The following HMBOX1 variants were observed in gnomAD, a reference collection of about 807,000 sequenced individuals.
The protein encoded by HMBOX1 is homeobox containing 1.
A neutral mutation model predicts 54.5 loss-of-function variants in HMBOX1; 14 were observed. The observed-to-expected ratio is 0.26, with a 90% confidence interval of 0.17 to 0.40. HMBOX1 has a LOEUF of 0.40. Ranked by LOEUF, HMBOX1 falls within the 10% of genes least tolerant of loss-of-function variation. The pLI is 1.00. For missense variants in HMBOX1, 332 were observed against 514.4 expected (o/e 0.65, Z 3.43); for synonymous variants, 160 against 181.0 (o/e 0.88, Z 0.93).
At chr8:29,002,516 CCA>C (rs1832808045) in intron 4 of HMBOX1, among the ~76,000 whole-genome samples, 1 of 152,078 alleles carries the variant, frequency 6.6e-6, no homozygotes, top group African/African-American at 2.4e-5. Context: ...AGGTTAGCTA[CCA>C]CAGTCTGCTA....
chr8:28,970,007 C>A lies in HMBOX1; in HGVS notation c.24-36C>A. ...TAATATGTGCTTTGGTAGATACTGT[C>A]AATAAAGAGACTTCTTTTTATCTCT... On this transcript the variant is annotated intron_variant, in intron 2 of 9. Coordinates refer to ENST00000287701, the MANE Select transcript of HMBOX1 (RefSeq NM_001135726.3). The surrounding 1 kb of genome is among the most constrained non-coding windows in gnomAD (Gnocchi z 4.3). 1.6e-6 allele frequency: 2 copies of A among 1,289,022 alleles called. No individual in the cohort carries two copies. The highest frequency in any genetic ancestry group is 1.3e-5 in the South Asian group (1 of 77,406). The allele number at this position is 1,289,022 out of a possible 1,614,324, so 79.8% of individuals were successfully genotyped here. A position where few individuals can be genotyped will look rare whatever the true frequency, so the allele number is the denominator to read the frequency against.
At chr8:29,031,284 A>G (rs1448748760) in intron 6 of HMBOX1, among the ~76,000 whole-genome samples, 7 of 152,238 alleles carry the variant, frequency 4.6e-5, no homozygotes, top group Non-Finnish European at 1.0e-4. Context: ...CTTTACATTC[A>G]ACTCTGATAG....
chr8:29,051,891 A>C lies in HMBOX1; in HGVS notation c.*736A>C. The C allele has an allele frequency of 4.6e-6, 1 of 219,292 alleles. No individual in the cohort carries two copies. The highest frequency in any genetic ancestry group is 8.2e-6 in the Non-Finnish European group (1 of 122,664). 13.6% of individuals were successfully genotyped at this position (219,292 alleles called of 1,614,324 possible). A position where few individuals can be genotyped will look rare whatever the true frequency, so the allele number is the denominator to read the frequency against. On this transcript the variant is annotated 3_prime_UTR_variant, in exon 10 of 10. Transcript: ENST00000287701. ...GATTAAAAACAAAGACAAAAACCAA[A>C]AGTCATTAAAAAAAAAAAAAAAAAA... is the stretch of plus-strand genomic sequence containing the variant.
chr8:28,941,610 T>G (rs1435770748), intron 1 of HMBOX1, among the ~76,000 whole-genome samples: 1 of 152,216 alleles, frequency 6.6e-6, no homozygotes, highest in East Asian at 1.9e-4. Context: ...AAGTAGGTAC[T>G]GCATAACTAA....
chr8:28,953,000 A>T (rs1023117976), intron 1 of HMBOX1, among the ~76,000 whole-genome samples: 5 of 152,236 alleles, frequency 3.3e-5, no homozygotes, highest in Non-Finnish European at 5.9e-5. Flanking sequence ...AGACAAGGGA[A>T]GTCCGTTAGC....
chr8:29,043,185 C>T (rs778838438), intron 6 of HMBOX1, among the ~76,000 whole-genome samples: 29 of 152,216 alleles, frequency 1.9e-4, no homozygotes, highest in Non-Finnish European at 1.0e-4. Context: ...TTGCTTTGTA[C>T]AAGCCCCATG....
chr8:28,981,382 T>C (rs562952909), intron 4 of HMBOX1, among the ~76,000 whole-genome samples: 2 of 152,358 alleles, frequency 1.3e-5, no homozygotes, highest in African/African-American at 4.8e-5. Flanking sequence ...CTGTAGGATA[T>C]TTAAAATATG....
chr8:29,010,547 C>G (rs999907522), intron 5 of HMBOX1, among the ~76,000 whole-genome samples: 1 of 151,188 alleles, frequency 6.6e-6, no homozygotes, highest in Non-Finnish European at 1.5e-5. Context: ...CAAAGGGAGA[C>G]CTGTCTCAAA....
In HMBOX1 at chr8:28,963,887, T is replaced by G; in HGVS notation, c.20T>G (p.Val7Gly). The G allele has an allele frequency of 6.2e-7, 1 of 1,602,118 alleles. No individual in the cohort carries two copies. The highest frequency in any genetic ancestry group is 8.5e-7 in the Non-Finnish European group (1 of 1,172,776). ...TAAAGTATGCTTAGTTCCTTTCCAG[T>G]GGTGTAAGTATCAAGTCCTTTTTGA... is the stretch of plus-strand genomic sequence containing the variant. The part of the protein sequence containing the change: MLSSFP[V>G]VLLETMSHYT... The change falls in exon 2 of 10, where the codon GTG (valine) becomes GGG (glycine). Residue 7 changes from valine to glycine, a missense_variant. Val to Gly is a moderately radical substitution (Grantham distance 109, BLOSUM62 -3). Transcript: ENST00000287701.
intron 1 of HMBOX1, among the ~76,000 whole-genome samples, chr8:28,918,664 C>T (rs557390887): frequency 2.6e-4 from 39 of 152,268 alleles, no homozygotes; most frequent in African/African-American, 8.4e-4. Flanking sequence ...AATCATAACT[C>T]GTGAAATGTT....
chr8:29,017,066 C>T (rs1835134015), intron 5 of HMBOX1, among the ~76,000 whole-genome samples: 1 of 152,204 alleles, frequency 6.6e-6, no homozygotes, highest in Non-Finnish European at 1.5e-5. Context: ...TTCTGCACTT[C>T]TCCATGTGGC....
At position 29,003,496 on chromosome 8, in the gene HMBOX1, G is replaced by GTA. The variant is rs10572983; in HGVS notation, c.587-5556_587-5555dup. Among the ~76,000 whole-genome samples the GTA allele has an allele frequency of 2.8e-3, 352 of 127,242 alleles. 3 individuals are homozygous for GTA. Among genetic ancestry groups the GTA allele is most frequent in the Non-Finnish European group, 4.1e-3 (258 of 62,366 alleles). 83.5% of individuals were successfully genotyped at this position (127,242 alleles called of 152,430 possible). On this transcript the variant is annotated intron_variant, in intron 4 of 9. Coordinates refer to ENST00000287701, the MANE Select transcript of HMBOX1 (RefSeq NM_001135726.3). ...TTAAAACAACTGGTTGTGTGTGTGT[G>GTA]TATATATATATATATATATATGCAT...
chr8:28,926,139 A>G (rs1409868290), intron 1 of HMBOX1, among the ~76,000 whole-genome samples: 2 of 152,150 alleles, frequency 1.3e-5, no homozygotes, highest in Non-Finnish European at 2.9e-5. Context: ...TCTATACCAA[A>G]AAAAATGCAA....
At chr8:28,980,900 G>A (rs914503646) in intron 4 of HMBOX1, among the ~76,000 whole-genome samples, 1 of 152,022 alleles carries the variant, frequency 6.6e-6, no homozygotes, top group African/African-American at 2.4e-5. Context: ...CAACATTGTT[G>A]TACTTTGCAT....
At chr8:29,013,370 G>A (rs540803526) in intron 5 of HMBOX1, among the ~76,000 whole-genome samples, 1 of 152,242 alleles carries the variant, frequency 6.6e-6, no homozygotes, top group African/African-American at 2.4e-5. Context: ...TCCTGACCTC[G>A]TGATCCACCC....
chr8:28,954,777 A>G (rs1201259899), intron 1 of HMBOX1, among the ~76,000 whole-genome samples: 2 of 152,208 alleles, frequency 1.3e-5, no homozygotes, highest in East Asian at 3.8e-4. Context: ...AGAAGGATGG[A>G]TGACAAGAAA....
chr8:28,906,782 G>A (rs939397525), intron 1 of HMBOX1, among the ~76,000 whole-genome samples: 1 of 151,992 alleles, frequency 6.6e-6, no homozygotes, highest in African/African-American at 2.4e-5. Context: ...GTAGAGACGG[G>A]GTTTCACCAT....
intron 1 of HMBOX1, among the ~76,000 whole-genome samples, chr8:28,923,965 T>G (rs1252800677): frequency 1.3e-5 from 2 of 152,142 alleles, no homozygotes; most frequent in African/African-American, 4.8e-5. Context: ...AGGCTGTTTT[T>G]TTGTTGTTGT....
intron 4 of HMBOX1, among the ~76,000 whole-genome samples, chr8:29,002,462 T>C (rs1179511741): frequency 6.6e-6 from 1 of 152,128 alleles, no homozygotes; most frequent in Non-Finnish European, 1.5e-5. Context: ...TACACAAAGG[T>C]AGTAAGACCA....
Sources: allele counts gnomAD v4.1 joint callset (sites outside exome capture counted in the v4.1 genomes callset), GRCh38; gene constraint gnomAD v4.1.1; non-coding constraint Gnocchi (gnomAD v3.1); transcripts MANE v1.5; gene names NCBI Gene and HGNC (gene_info 2026-07-23, HGNC 2026-07-21).